The following KDM4C variants were observed in gnomAD, a reference collection of about 807,000 sequenced individuals.
KDM4C encodes the protein lysine-specific demethylase 4C.
KDM4C carries 81 observed loss-of-function variants against 129.3 expected under a neutral mutation model. The observed-to-expected ratio is 0.63, with a 90% CI of 0.52 to 0.75. The LOEUF (loss-of-function observed/expected upper bound fraction) is 0.75. Ranked by LOEUF, KDM4C falls within the 30% of genes least tolerant of loss-of-function variation. The pLI is 0.00. For synonymous variants in KDM4C, 573 were observed against 456.1 expected, an observed-to-expected ratio of 1.26 and a Z score of -3.26; for missense variants, 1,457 against 1,304.0, an observed-to-expected ratio of 1.12 and a Z score of -1.81.
intron 8 of KDM4C, among the ~76,000 whole-genome samples, chr9:6,972,876 A>G (rs1293513707): frequency 1.3e-5 from 2 of 152,224 alleles, no homozygotes; most frequent in Middle Eastern, 3.2e-3. Context: ...AAATTGTAAG[A>G]ACACTGAAAT....
At chr9:6,924,553 G>A (rs986620054) in intron 8 of KDM4C, among the ~76,000 whole-genome samples, 1 of 152,142 alleles carries the variant, frequency 6.6e-6, no homozygotes, top group Non-Finnish European at 1.5e-5. Context: ...TGACACCTCA[G>A]TTGTTAGCTG....
At chr9:7,156,990 G>A (rs1293421268) in intron 19 of KDM4C, among the ~76,000 whole-genome samples, 1 of 152,212 alleles carries the variant, frequency 6.6e-6, no homozygotes, top group Non-Finnish European at 1.5e-5. Flanking sequence ...CATGAGCATG[G>A]AATGTTCTTC....
At chr9:7,067,998 A>G (rs139961772) in intron 17 of KDM4C, among the ~76,000 whole-genome samples, 2,390 of 152,186 alleles carry the variant, frequency 0.016, 66 homozygotes, top group African/African-American at 0.054. Context: ...GGGTTTCACC[A>G]TTTTAGTCAG....
At chr9:6,970,796 C>T (rs1831839913) in intron 8 of KDM4C, among the ~76,000 whole-genome samples, 1 of 138,274 alleles carries the variant, frequency 7.2e-6, no homozygotes, top group South Asian at 2.8e-4. Flanking sequence ...TATTCCCACC[C>T]CCCGCCCCTA....
chr9:7,163,505 C>A (rs898384095), intron 19 of KDM4C, among the ~76,000 whole-genome samples: 1 of 152,064 alleles, frequency 6.6e-6, no homozygotes, highest in African/African-American at 2.4e-5. Context: ...GGAGATCCCT[C>A]CACATGGGAG....
chr9:6,982,028 A>G (rs950962533), intron 9 of KDM4C: 2 of 152,656 alleles, frequency 1.3e-5, no homozygotes, highest in Non-Finnish European at 1.5e-5. Flanking sequence ...AATTGGGGCC[A>G]TGCTCTGTTA....
At chr9:7,062,923 T>C (rs948536654) in intron 17 of KDM4C, among the ~76,000 whole-genome samples, 1 of 152,174 alleles carries the variant, frequency 6.6e-6, no homozygotes, top group African/African-American at 2.4e-5. Flanking sequence ...ATTTTTCCCT[T>C]ATTTTAGGAG....
chr9:7,067,351 T>G (rs1488632070), intron 17 of KDM4C, among the ~76,000 whole-genome samples: 2 of 152,234 alleles, frequency 1.3e-5, no homozygotes, highest in Non-Finnish European at 2.9e-5. Context: ...ACAGTTTTTG[T>G]AACTTCAGCT....
Position 6,993,505 on chromosome 9 carries a change from T to G in KDM4C, c.1786+2981T>G, listed in dbSNP as rs535508527. On this transcript the variant is annotated intron_variant, in intron 12 of 21. Transcript: ENST00000381309. ...ATAAGCAAAGCTGTTTGGATTGTTT[T>G]ATTCTCGAAGCATCCAGGATATGTA... Among the ~76,000 whole-genome samples, 83 of 152,336 alleles carry G rather than the reference T, an allele frequency of 5.4e-4. No homozygotes were observed. The South Asian group carries it at 0.015, about 27-fold the overall frequency.
intron 15 of KDM4C, among the ~76,000 whole-genome samples, chr9:7,030,953 G>A (rs1826621514): frequency 6.6e-6 from 1 of 151,944 alleles, no homozygotes; most frequent in Non-Finnish European, 1.5e-5. Context: ...ATTATTTACT[G>A]AAAAGCATTT....
At chr9:7,049,351 T>C (rs1388422891) in intron 17 of KDM4C, 151 bp downstream of exon 17, 1 of 485,462 alleles carries the variant, frequency 2.1e-6, no homozygotes, top group Non-Finnish European at 3.6e-6. Context: ...AATTTATTTA[T>C]TCTTACAAAT....
chr9:6,835,585 G>A, intron 4 of KDM4C: 1 of 952,796 alleles, frequency 1.0e-6, no homozygotes, highest in Non-Finnish European at 1.7e-6. Flanking sequence ...TAGGCGGACT[G>A]TGACTTAGTT....
At chr9:7,023,073 A>G (rs1445952196) in intron 15 of KDM4C, among the ~76,000 whole-genome samples, 2 of 152,202 alleles carry the variant, frequency 1.3e-5, no homozygotes, top group African/African-American at 4.8e-5. Flanking sequence ...AGATTTCTGC[A>G]TCAGTGTTCA....
At chr9:7,128,668 G>A (rs918935325) in intron 19 of KDM4C, among the ~76,000 whole-genome samples, 4 of 152,232 alleles carry the variant, frequency 2.6e-5, no homozygotes, top group African/African-American at 9.6e-5. Flanking sequence ...ACTCGACAGT[G>A]TATTTAAATC....
chr9:6,797,523 C>T (rs1041867156), intron 2 of KDM4C, among the ~76,000 whole-genome samples: 1 of 152,310 alleles, frequency 6.6e-6, no homozygotes, highest in African/African-American at 2.4e-5. Context: ...AAAAGAGTGG[C>T]AGTCTCTTCA....
At position 6,835,147 on chromosome 9, in the gene KDM4C, A is replaced by G. The variant is rs1336221238; in HGVS notation, c.436-14360A>G. 5.3e-5 allele frequency: 52 copies of G among 976,896 alleles called. No individual in the cohort carries two copies. In the East Asian group the frequency reaches 1.2e-3, roughly 23 times the overall value. 60.5% of individuals were successfully genotyped at this position (976,896 alleles called of 1,614,324 possible). A position where few individuals can be genotyped will look rare whatever the true frequency, so the allele number is the denominator to read the frequency against. Reference sequence around the variant, plus strand: ...GCAGGAGATGGCCATGGCGGCTTCCAGCTCCTCCCTGGAGAAGAGCTATGA... The same window carrying G: ...GCAGGAGATGGCCATGGCGGCTTCCGGCTCCTCCCTGGAGAAGAGCTATGA... On this transcript the variant is annotated intron_variant, in intron 4 of 21. Coordinates refer to ENST00000381309, the MANE Select transcript of KDM4C (RefSeq NM_015061.6).
rs774894691 is a variant in KDM4C at position 7,059,393 on chromosome 9, G to A, written c.2424+10193G>A. Among the ~76,000 whole-genome samples the A allele has an allele frequency of 6.6e-5, 10 of 152,124 alleles. 1 individual carries two copies. The East Asian group carries it at 7.7e-4, about 12-fold the overall frequency. On this transcript the variant is annotated intron_variant, in intron 17 of 21. Coordinates refer to ENST00000381309, the MANE Select transcript of KDM4C (RefSeq NM_015061.6). ...GCTGGGATTACAGGACTAAGCCACC[G>A]CGCCTAGCCCTCGAGAGTATTTTCG...
intron 17 of KDM4C, among the ~76,000 whole-genome samples, chr9:7,089,945 A>G (rs908246249): frequency 2.0e-5 from 3 of 152,232 alleles, no homozygotes; most frequent in Non-Finnish European, 4.4e-5. Context: ...ACTGTGGCTT[A>G]AAGCAGAATG....
intron 1 of KDM4C, among the ~76,000 whole-genome samples, chr9:6,761,670 C>G (rs1726719047): frequency 6.6e-6 from 1 of 152,136 alleles, no homozygotes; most frequent in African/African-American, 2.4e-5. Context: ...TGGTTATTCC[C>G]TTGATATTCA....
Sources: gnomAD v4.1 joint callset for allele counts (sites outside exome capture counted in the v4.1 genomes callset) on GRCh38, gnomAD v4.1.1 for gene constraint, MANE v1.5 for transcripts, NCBI Gene and HGNC (gene_info 2026-07-23, HGNC 2026-07-21) for gene names.